Variants in NEO1 observed in about 807,000 individuals in gnomAD.
The protein encoded by NEO1 is neogenin 1.
Under a neutral mutation model 159.7 loss-of-function variants are expected in NEO1, and 63 were observed. The ratio of observed to expected loss-of-function variants is 0.39; its 90% CI spans 0.32 to 0.49. NEO1 has a LOEUF of 0.49. NEO1 is among the 20% of genes least tolerant of loss of function. NEO1 has a pLI of 0.85. For missense variants in NEO1, 1,615 were observed against 1,831.0 expected, an observed-to-expected ratio of 0.88 and a Z score of 2.15; for synonymous variants, 633 against 662.0, an observed-to-expected ratio of 0.96 and a Z score of 0.67.
intron 4 of NEO1, among the ~76,000 whole-genome samples, chr15:73,131,287 A>G (rs550580473): frequency 6.6e-6 from 1 of 152,252 alleles, no homozygotes; most frequent in Admixed American, 6.5e-5. Context: ...TCATCATAGC[A>G]TCACTTCAGT....
chr15:73,273,701 C>T, intron 19 of NEO1, 110 bp from the exon 20 acceptor site: 1 of 782,714 alleles, frequency 1.3e-6, no homozygotes, highest in Admixed American at 2.9e-5. Flanking sequence ...GTACATTATT[C>T]AAATATTATG....
intron 7 of NEO1, among the ~76,000 whole-genome samples, chr15:73,191,122 GT>G (rs2036215179): frequency 6.6e-6 from 1 of 152,118 alleles, no homozygotes; most frequent in Admixed American, 6.5e-5. Context: ...GTCATAACTC[GT>G]ATAATGAAAC....
At chr15:73,098,264 A>G (rs2070195611) in intron 1 of NEO1, among the ~76,000 whole-genome samples, 1 of 152,084 alleles carries the variant, frequency 6.6e-6, no homozygotes, top group Non-Finnish European at 1.5e-5. Flanking sequence ...GATTTTAATG[A>G]CAGCTGGTCA....
chr15:73,231,138 A>G (rs2038885456), intron 7 of NEO1, among the ~76,000 whole-genome samples: 1 of 152,218 alleles, frequency 6.6e-6, no homozygotes, highest in Admixed American at 6.5e-5. Flanking sequence ...AAAACTGCTA[A>G]AACTATTAGA....
chr15:73,284,383 AG>A (rs948743434), intron 23 of NEO1, among the ~76,000 whole-genome samples: 1 of 152,216 alleles, frequency 6.6e-6, no homozygotes, highest in Non-Finnish European at 1.5e-5. Flanking sequence ...TTCACTGTAC[AG>A]GGTAAGTACA....
At chr15:73,281,362 C>T (rs1393753141) in intron 22 of NEO1, among the ~76,000 whole-genome samples, 1 of 151,572 alleles carries the variant, frequency 6.6e-6, no homozygotes, top group Non-Finnish European at 1.5e-5. Flanking sequence ...TCGCGCCATT[C>T]TGCTGCCTCA....
chr15:73,210,474 T>G (rs1302896869), intron 7 of NEO1, among the ~76,000 whole-genome samples: 1 of 152,246 alleles, frequency 6.6e-6, no homozygotes, highest in Non-Finnish European at 1.5e-5. Flanking sequence ...TGAAGGACTT[T>G]ACATGAATTC....
chr15:73,289,229 C>T lies in NEO1; in HGVS notation c.3733C>T (p.Pro1245Ser), dbSNP rs2042067864. The T allele has an allele frequency of 6.2e-7, 1 of 1,613,826 alleles. No homozygotes were observed. Among genetic ancestry groups the T allele is most frequent in the Non-Finnish European group, 8.5e-7 (1 of 1,179,886 alleles). ...PKMMMPFDSQ[P>S]PQPVISAHPI... The stretch of plus-strand genomic sequence containing the variant: ...AATGATGATGCCCTTTGACTCCCAG[C>T]CACCCCAGCGTAAGTAGAAGCATCT... The change falls in exon 25 of 29, where the codon CCA becomes TCA. Residue 1245 changes from proline to serine, a missense_variant. Physicochemically the swap from Pro to Ser is moderately conservative, Grantham distance 74. Coordinates refer to ENST00000261908, the MANE Select transcript of NEO1 (RefSeq NM_002499.4).
intron 1 of NEO1, among the ~76,000 whole-genome samples, chr15:73,115,112 G>A (rs1390433673): frequency 2.6e-5 from 4 of 151,642 alleles, no homozygotes; most frequent in Admixed American, 2.0e-4. Context: ...GTGTAATCTC[G>A]GCTCACTGCA....
rs537280411 is a variant in NEO1, at chr15:73,122,356, C to T, written c.449-169C>T. ...ATTCCAGTTATCCTTAATGCATTTA[C>T]TTATTTGCCCAGTATCCCTGTATTT... On this transcript the variant is annotated intron_variant, in intron 2 of 28. Transcript: ENST00000261908. Among the ~76,000 whole-genome samples the T allele has an allele frequency of 2.0e-3, 297 of 152,050 alleles. 2 individuals are homozygous for T. Among genetic ancestry groups the T allele is most frequent in the Middle Eastern group, 3.4e-3 (1 of 292 alleles).
chr15:73,135,090 C>T (rs1488228607), intron 4 of NEO1, among the ~76,000 whole-genome samples: 1 of 152,054 alleles, frequency 6.6e-6, no homozygotes, highest in Admixed American at 6.6e-5. Context: ...CATCTCTTGC[C>T]CTATGTCAGG....
At chr15:73,278,236 G>A in intron 22 of NEO1, 37 bp downstream of exon 22, 1 of 1,582,026 alleles carries the variant, frequency 6.3e-7, no homozygotes, top group South Asian at 1.1e-5. Flanking sequence ...GCTTACTATG[G>A]ACATGAAGCA....
intron 1 of NEO1, among the ~76,000 whole-genome samples, chr15:73,071,937 TTTTGTTTG>T (rs35895070): frequency 8.6e-5 from 13 of 150,738 alleles, no homozygotes; most frequent in Admixed American, 3.3e-4. Flanking sequence ...TTTAATTTAA[TTTTGTTTG>T]TTTGTTTGTT....
intron 4 of NEO1, among the ~76,000 whole-genome samples, chr15:73,133,468 G>A (rs1382949129): frequency 6.6e-6 from 1 of 152,108 alleles, no homozygotes; most frequent in Non-Finnish European, 1.5e-5. Context: ...TGGGTGATGG[G>A]TGCACCAAAA....
intron 7 of NEO1, among the ~76,000 whole-genome samples, chr15:73,229,451 G>A (rs80284971): frequency 7.6e-6 from 1 of 131,834 alleles, no homozygotes; most frequent in Non-Finnish European, 1.7e-5. Flanking sequence ...AGTTTTAGTT[G>A]TTTTTTTTTT....
In NEO1 at chr15:73,122,730, T is replaced by G; in HGVS notation, c.654T>G (p.Leu218=). ...ISNATEGDGG[L]YRCVVESGGP... ...ATGCAACTGAAGGAGATGGCGGGCT[T>G]TATCGCTGCGTAGTGGAAAGTGGTG... The change falls in exon 3 of 29, where the codon CTT becomes CTG. Residue 218 remains leucine (L), a synonymous_variant. Coordinates refer to ENST00000261908, the MANE Select transcript of NEO1 (RefSeq NM_002499.4). 6.2e-7 allele frequency: 1 copy of G among 1,614,134 alleles called. No individual in the cohort carries two copies. Among genetic ancestry groups the G allele is most frequent in the Non-Finnish European group, 8.5e-7 (1 of 1,180,022 alleles).
intron 7 of NEO1, among the ~76,000 whole-genome samples, chr15:73,185,638 A>C (rs1378449761): frequency 6.6e-6 from 1 of 152,226 alleles, no homozygotes; most frequent in African/African-American, 2.4e-5. Flanking sequence ...ATGTTTACCC[A>C]GATGAGTTGA....
At position 73,302,633 on chromosome 15, in the gene NEO1, G is replaced by T; in HGVS notation, c.4323G>T (p.Leu1441=). The change falls in exon 29 of 29, where the codon CTG becomes CTT. Residue 1441 remains leucine (L), a synonymous_variant. Transcript: ENST00000261908. ...CATAGAGCTATGAACCAGATGAGCT[G>T]ACCAAAGAGATGGCCCACCTGGAAG... ...DSESSYEPDE[L]TKEMAHLEGL... 1 of 1,614,042 alleles carries T rather than the reference G, an allele frequency of 6.2e-7. No individual in the cohort carries two copies. Among genetic ancestry groups the T allele is most frequent in the South Asian group, 1.1e-5 (1 of 91,028 alleles).
chr15:73,277,084 G>A (rs1419052778), intron 21 of NEO1, among the ~76,000 whole-genome samples: 1 of 152,116 alleles, frequency 6.6e-6, no homozygotes, highest in Non-Finnish European at 1.5e-5. Context: ...AGAAAACTGA[G>A]GCCCAAAAAG....
Sources: allele counts gnomAD v4.1 joint callset (sites outside exome capture counted in the v4.1 genomes callset), GRCh38; gene constraint gnomAD v4.1.1; transcripts MANE v1.5; gene names NCBI Gene and HGNC (gene_info 2026-07-23, HGNC 2026-07-21).